The following CDK14 variants were observed in gnomAD, a reference collection of about 807,000 sequenced individuals.
The protein encoded by CDK14 is cyclin-dependent kinase 14.
Under a neutral mutation model 60.7 loss-of-function variants are expected in CDK14, and 34 were observed. The ratio of observed to expected loss-of-function variants is 0.56; its 90% CI spans 0.43 to 0.75. The LOEUF (loss-of-function observed/expected upper bound fraction) is 0.75. Ranked by LOEUF, CDK14 falls within the 30% of genes least tolerant of loss-of-function variation. CDK14 has a pLI of 0.00. For synonymous variants in CDK14, 197 were observed against 203.7 expected (o/e 0.97, Z 0.28); for missense variants, 482 against 564.1 (o/e 0.85, Z 1.47).
chr7:90,836,767 A>G (rs1790114569), intron 5 of CDK14, among the ~76,000 whole-genome samples: 1 of 152,226 alleles, frequency 6.6e-6, no homozygotes, highest in Middle Eastern at 3.2e-3. Context: ...CACCAGCATC[A>G]CACAAACACA....
At chr7:90,937,983 G>C (rs1293350100) in intron 8 of CDK14, among the ~76,000 whole-genome samples, 2 of 152,152 alleles carry the variant, frequency 1.3e-5, no homozygotes, top group Non-Finnish European at 2.9e-5. Context: ...AACCTACAAA[G>C]CGTAGCTAGA....
At chr7:90,738,071 G>A (rs1050282334) in intron 3 of CDK14, among the ~76,000 whole-genome samples, 2 of 152,112 alleles carry the variant, frequency 1.3e-5, no homozygotes, top group Admixed American at 6.5e-5. Context: ...AAGATAGACC[G>A]AAGCATGTTT....
chr7:90,920,890 T>A (rs930597190), intron 8 of CDK14, among the ~76,000 whole-genome samples: 1 of 152,172 alleles, frequency 6.6e-6, no homozygotes, highest in African/African-American at 2.4e-5. Flanking sequence ...CCCTTCAGCT[T>A]TAAACAGTAT....
At chr7:90,759,119 A>G (rs1245131848) in intron 4 of CDK14, among the ~76,000 whole-genome samples, 1 of 151,852 alleles carries the variant, frequency 6.6e-6, no homozygotes, top group Non-Finnish European at 1.5e-5. Flanking sequence ...TTTCAAAGGG[A>G]ATGAAGAGAG....
intron 12 of CDK14, among the ~76,000 whole-genome samples, chr7:91,098,136 TTCTTTC>T (rs1799050132): frequency 6.6e-6 from 1 of 152,234 alleles, no homozygotes; most frequent in Non-Finnish European, 1.5e-5. Context: ...CCGTTTATCT[TTCTTTC>T]ATAATGAAAG....
intron 2 of CDK14, among the ~76,000 whole-genome samples, chr7:90,651,816 G>C (rs1563031397): frequency 6.6e-6 from 1 of 151,982 alleles, no homozygotes; most frequent in Non-Finnish European, 1.5e-5. Flanking sequence ...AGGCCTCCAG[G>C]ATCCTAATTC....
intron 5 of CDK14, among the ~76,000 whole-genome samples, chr7:90,791,036 G>T (rs138675707): frequency 2.6e-5 from 4 of 152,212 alleles, no homozygotes; most frequent in Non-Finnish European, 5.9e-5. Flanking sequence ...CATCTTACTA[G>T]GCATTTGAAT....
At chr7:90,893,425 G>T (rs1373064696) in intron 6 of CDK14, among the ~76,000 whole-genome samples, 1 of 152,198 alleles carries the variant, frequency 6.6e-6, no homozygotes, top group Non-Finnish European at 1.5e-5. Context: ...AATAGCCAGA[G>T]ATCAAGCCAG....
At chr7:90,790,101 CT>C (rs35790878) in intron 4 of CDK14, among the ~76,000 whole-genome samples, 107 of 143,128 alleles carry the variant, frequency 7.5e-4, no homozygotes, top group Middle Eastern at 3.6e-3. Context: ...GAATTTTTTC[CT>C]TTTTTTTTTT....
rs566117975 is a variant in CDK14 at position 90,911,639 on chromosome 7, A to G, written c.703-5962A>G. On this transcript the variant is annotated intron_variant, in intron 7 of 14. Coordinates refer to ENST00000380050, the MANE Select transcript of CDK14 (RefSeq NM_001287135.2). Reference sequence around the variant, plus strand: ...GTGTATTTCTGACCATTCATGGAGCAGGACACCTCTAGACACTGAGAAAAA... The same window carrying G: ...GTGTATTTCTGACCATTCATGGAGCGGGACACCTCTAGACACTGAGAAAAA... Among the ~76,000 whole-genome samples the G allele has an allele frequency of 1.4e-4, 20 of 148,126 alleles. No homozygotes were observed. The East Asian group carries it at 3.2e-3, about 24-fold the overall frequency.
chr7:90,713,014 C>G (rs549296081), intron 2 of CDK14, among the ~76,000 whole-genome samples: 3 of 152,224 alleles, frequency 2.0e-5, no homozygotes, highest in African/African-American at 7.2e-5. Flanking sequence ...TTACTCCCCA[C>G]CCCTGTTTTC....
chr7:90,749,634 C>T (rs1803739258), intron 4 of CDK14, among the ~76,000 whole-genome samples: 1 of 152,222 alleles, frequency 6.6e-6, no homozygotes, highest in African/African-American at 2.4e-5. Flanking sequence ...GTAGCAGGTT[C>T]CTCTCTCCTC....
intron 11 of CDK14, among the ~76,000 whole-genome samples, chr7:91,073,447 A>G (rs1360661108): frequency 6.6e-6 from 1 of 152,188 alleles, no homozygotes; most frequent in African/African-American, 2.4e-5. Flanking sequence ...CAGACAAGCA[A>G]ATGCTGAGGG....
chr7:91,020,839 T>TA (rs751961930), intron 10 of CDK14, among the ~76,000 whole-genome samples: 27 of 152,218 alleles, frequency 1.8e-4, no homozygotes, highest in Non-Finnish European at 3.4e-4. Flanking sequence ...ATCAGGATCT[T>TA]ACAAGGCTAC....
chr7:90,946,453 G>A (rs920637923), intron 8 of CDK14, among the ~76,000 whole-genome samples: 4 of 152,172 alleles, frequency 2.6e-5, no homozygotes, highest in African/African-American at 9.6e-5. Flanking sequence ...AATACTAAAA[G>A]CATGGTGAAA....
chr7:90,726,308 C>G, intron 2 of CDK14: 1 of 983,980 alleles, frequency 1.0e-6, no homozygotes. Flanking sequence ...TAGGGTACTA[C>G]TAGCAGCCTG....
chr7:90,890,877 G>C (rs1391662148), intron 6 of CDK14, among the ~76,000 whole-genome samples: 1 of 152,160 alleles, frequency 6.6e-6, no homozygotes, highest in African/African-American at 2.4e-5. Flanking sequence ...ATAAGGTGCA[G>C]GTGAAGTAGA....
At chr7:90,635,692 G>A (rs1488230028) in intron 2 of CDK14, among the ~76,000 whole-genome samples, 1 of 152,070 alleles carries the variant, frequency 6.6e-6, no homozygotes, top group Non-Finnish European at 1.5e-5. Flanking sequence ...TAGCTTGATG[G>A]GGATGGCATT....
chr7:91,129,964 A>T (rs188867520), intron 14 of CDK14, among the ~76,000 whole-genome samples: 2 of 152,316 alleles, frequency 1.3e-5, no homozygotes, highest in East Asian at 3.9e-4. Flanking sequence ...AAACCAATAG[A>T]TATTAAGGTA....
Sources: allele counts gnomAD v4.1 joint callset (sites outside exome capture counted in the v4.1 genomes callset), GRCh38; gene constraint gnomAD v4.1.1; transcripts MANE v1.5; gene names NCBI Gene and HGNC (gene_info 2026-07-23, HGNC 2026-07-21).